KIF4A: variants seen among roughly 807,000 people sequenced by gnomAD.
KIF4A encodes chromosome-associated kinesin KIF4A.
Under a neutral mutation model 105.9 loss-of-function variants are expected in KIF4A, and 7 were observed. The observed-to-expected ratio is 0.07, with a 90% CI of 0.04 to 0.12. KIF4A has a LOEUF of 0.12. Among genes scored for constraint, KIF4A ranks in the 10% least tolerant of loss-of-function variants. The pLI, the probability that KIF4A is intolerant of heterozygous loss-of-function variation, is 1.00. For synonymous variants in KIF4A, 281 were observed against 331.3 expected, an observed-to-expected ratio of 0.85 and a Z score of 1.65; for missense variants, 558 against 929.2, an observed-to-expected ratio of 0.60 and a Z score of 5.19.
intron 20 of KIF4A, among the ~76,000 whole-genome samples, chrX:70,389,039 C>T (rs1250605293): frequency 2.7e-5 from 3 of 111,220 alleles, no homozygotes; most frequent in Non-Finnish European, 3.8e-5. Flanking sequence ...TGCTTGAGGC[C>T]AGGAGTTCAA....
intron 7 of KIF4A, among the ~76,000 whole-genome samples, chrX:70,328,675 C>A (rs755405689): frequency 9.0e-6 from 1 of 111,619 alleles, no homozygotes; most frequent in African/African-American, 3.2e-5. Flanking sequence ...AGTGACAGAG[C>A]CAGGATTGTA....
At chrX:70,359,171 C>T (rs1035459521) in intron 15 of KIF4A, among the ~76,000 whole-genome samples, 1 of 112,097 alleles carries the variant, frequency 8.9e-6, no homozygotes. Context: ...AACTGCTTTC[C>T]TTGTCTCTTT....
At chrX:70,362,171 C>T in intron 15 of KIF4A, 1 of 253,904 alleles carries the variant, frequency 3.9e-6, no homozygotes, top group Non-Finnish European at 7.4e-6. Context: ...GAGGCAAGAC[C>T]TTGTAGTCCT....
At position 70,420,514 on chromosome X, in the gene KIF4A, A is replaced by G. The variant is rs1251638703; in HGVS notation, c.*249A>G. Reference sequence around the variant, plus strand: ...GAAGAGAGAACCAACTGACTTTCCTATTGACTCATCAGGAACCAGTCCTCA... The same window carrying G: ...GAAGAGAGAACCAACTGACTTTCCTGTTGACTCATCAGGAACCAGTCCTCA... On this transcript the variant is annotated 3_prime_UTR_variant, in exon 31 of 31. Coordinates refer to ENST00000374403, the MANE Select transcript of KIF4A (RefSeq NM_012310.5). The G allele has an allele frequency of 2.8e-6, 1 of 356,621 alleles. No homozygotes were observed. The highest frequency in any genetic ancestry group is 4.9e-6 in the Non-Finnish European group (1 of 203,706). 29.4% of individuals were successfully genotyped at this position (356,621 alleles called of 1,213,427 possible). A position where few individuals can be genotyped will look rare whatever the true frequency, so the allele number is the denominator to read the frequency against.
At chrX:70,370,341 A>G (rs2086125373) in intron 15 of KIF4A, among the ~76,000 whole-genome samples, 1 of 110,208 alleles carries the variant, frequency 9.1e-6, no homozygotes, top group South Asian at 3.8e-4. Context: ...GAATTTTGGC[A>G]GGGTTGAGGC....
At chrX:70,350,039 A>G (rs1399578539) in intron 13 of KIF4A, among the ~76,000 whole-genome samples, 1 of 112,414 alleles carries the variant, frequency 8.9e-6, no homozygotes, top group Non-Finnish European at 1.9e-5. Flanking sequence ...CACATCCCAG[A>G]CAATGGGCGG....
chrX:70,365,066 T>C (rs1341126282), intron 15 of KIF4A, among the ~76,000 whole-genome samples: 2 of 111,846 alleles, frequency 1.8e-5, no homozygotes, highest in African/African-American at 6.5e-5. Context: ...TGTATAAGAA[T>C]GCTTGTGATT....
At chrX:70,362,462 G>C (rs1023814232) in intron 15 of KIF4A, 2 of 130,112 alleles carry the variant, frequency 1.5e-5, no homozygotes, top group African/African-American at 6.4e-5. Context: ...TATAGTAAGA[G>C]ATCTAGTCTT....
At chrX:70,397,650 G>C (rs1418469624) in intron 22 of KIF4A, among the ~76,000 whole-genome samples, 1 of 112,107 alleles carries the variant, frequency 8.9e-6, no homozygotes, top group Non-Finnish European at 1.9e-5. Flanking sequence ...ATTTTAAGCA[G>C]TTTATGAAAT....
chrX:70,403,690 ATATTTAC>A (rs2086290034), intron 23 of KIF4A, among the ~76,000 whole-genome samples, 167 bp from the exon 24 acceptor site: 1 of 112,483 alleles, frequency 8.9e-6, no homozygotes, highest in Non-Finnish European at 1.9e-5. Flanking sequence ...GAACAATAGT[ATATTTAC>A]TATTCAATGT....
intron 20 of KIF4A, among the ~76,000 whole-genome samples, chrX:70,395,445 G>C (rs952814665): frequency 3.6e-5 from 4 of 111,767 alleles, no homozygotes; most frequent in Non-Finnish European, 7.5e-5. Flanking sequence ...TAGGAATCTG[G>C]AGAAAGATTT....
chrX:70,313,336 T>C, intron 7 of KIF4A, among the ~76,000 whole-genome samples: 1 of 112,343 alleles, frequency 8.9e-6, no homozygotes, highest in Admixed American at 9.5e-5. Flanking sequence ...ACTTTGTAGC[T>C]TGACTTCATT....
chrX:70,290,357 G>GGTC lies in KIF4A; in HGVS notation c.-21-79_-21-77dup. The GGTC allele has an allele frequency of 2.7e-6, 3 of 1,092,769 alleles. No individual in the cohort carries two copies. The South Asian group carries it at 6.4e-5, about 23-fold the overall frequency. 90.1% of individuals were successfully genotyped at this position (1,092,769 alleles called of 1,213,427 possible). ...CCAAGTCAGTGTTCCCGCTGAGGAG[G>GGTC]GTCGGAACCGGGGAGGACGCCCTCC... is the stretch of plus-strand genomic sequence containing the variant. On this transcript the variant is annotated intron_variant, in intron 1 of 30. Transcript: ENST00000374403.
chrX:70,338,964 A>G (rs2085961795), intron 10 of KIF4A, among the ~76,000 whole-genome samples: 1 of 109,089 alleles, frequency 9.2e-6, no homozygotes, highest in Admixed American at 9.9e-5. Flanking sequence ...GGGCATCTGT[A>G]GTCCCAGCTA....
intron 10 of KIF4A, among the ~76,000 whole-genome samples, chrX:70,333,902 T>C (rs935601666): frequency 1.8e-5 from 2 of 112,117 alleles, no homozygotes; most frequent in Non-Finnish European, 3.8e-5. Context: ...GGAATTCTAT[T>C]GTGAGGAAGA....
chrX:70,395,969 T>C lies in KIF4A; in HGVS notation c.2409T>C (p.Thr803=). The part of the protein sequence containing the change: ...PKLRRRTFSL[T]EVRGQVSESE... ...TACAGAGGCGTACATTCTCCCTTAC[T>C]GAAGTGCGTGGTCAAGTTTCGGAGT... Residue 803 remains threonine (T), a synonymous_variant, in exon 22 of 31, where the codon ACT becomes ACC. Transcript: ENST00000374403. 2 of 1,209,150 alleles carry C rather than the reference T, an allele frequency of 1.7e-6. No homozygotes were observed. The highest frequency in any genetic ancestry group is 2.2e-6 in the Non-Finnish European group (2 of 893,362).
At chrX:70,388,110 T>C (rs867287941) in intron 20 of KIF4A, among the ~76,000 whole-genome samples, 11 of 111,644 alleles carry the variant, frequency 9.9e-5, no homozygotes, top group African/African-American at 3.6e-4. Flanking sequence ...TTAATCTGCT[T>C]TCTGTCACTA....
chrX:70,382,220 A>G (rs745772599), intron 18 of KIF4A, among the ~76,000 whole-genome samples: 3 of 112,140 alleles, frequency 2.7e-5, no homozygotes, highest in African/African-American at 6.5e-5. Flanking sequence ...ACTTGAGGTC[A>G]GGAGTTCAAG....
At chrX:70,416,308 C>G (rs1361254214) in intron 28 of KIF4A, among the ~76,000 whole-genome samples, 1 of 105,011 alleles carries the variant, frequency 9.5e-6, no homozygotes, top group Non-Finnish European at 1.9e-5. Context: ...ACAGAGCTTG[C>G]TTACACCTCA....
Sources: allele counts gnomAD v4.1 joint callset (sites outside exome capture counted in the v4.1 genomes callset), GRCh38; gene constraint gnomAD v4.1.1; transcripts MANE v1.5; gene names NCBI Gene and HGNC (gene_info 2026-07-23, HGNC 2026-07-21).